The following SBNO1 variants were observed in gnomAD, a reference collection of about 807,000 sequenced individuals.
SBNO1 encodes strawberry notch homolog 1.
In SBNO1, 23 loss-of-function variants were observed where a neutral mutation model predicts 173.6. That is an observed-to-expected ratio of 0.13 (90% CI 0.10 to 0.19). SBNO1 has a LOEUF of 0.19. SBNO1 is among the 10% of genes least tolerant of loss of function. SBNO1 has a pLI of 1.00. For synonymous variants in SBNO1, 632 were observed against 571.5 expected (o/e 1.11, Z -1.51); for missense variants, 1,238 against 1,671.2 (o/e 0.74, Z 4.52).
In SBNO1 at chr12:123,294,623, A is replaced by G. The variant is rs145184356; in HGVS notation, c.*1285T>C. ...ACAATCTCGATTTTTCAATAGTGCA[A>G]CCTGTGGAAGCAAAAAAAAAAAAAA... On this transcript the variant is annotated 3_prime_UTR_variant, in exon 32 of 32. Coordinates refer to ENST00000602398, the MANE Select transcript of SBNO1 (RefSeq NM_001167856.3). 2 of 139,728 alleles carry G rather than the reference A, an allele frequency of 1.4e-5. No individual in the cohort carries two copies. The highest frequency in any genetic ancestry group is 4.9e-4 in the East Asian group (2 of 4,052). 8.7% of individuals were successfully genotyped at this position (139,728 alleles called of 1,614,324 possible).
chr12:123,344,213 T>G (rs1354080962), intron 4 of SBNO1, among the ~76,000 whole-genome samples: 2 of 152,146 alleles, frequency 1.3e-5, no homozygotes, highest in Non-Finnish European at 2.9e-5. Context: ...TGCGAGTGAT[T>G]CCAGAAACTG....
chr12:123,301,149 A>G (rs1342505541), intron 30 of SBNO1, among the ~76,000 whole-genome samples: 2 of 152,042 alleles, frequency 1.3e-5, no homozygotes, highest in African/African-American at 2.4e-5. Flanking sequence ...CTGGGATTAC[A>G]GGCGTCTGCC....
At chr12:123,363,665 CTTTA>C (rs1037243132) in intron 1 of SBNO1, among the ~76,000 whole-genome samples, 11 of 152,208 alleles carry the variant, frequency 7.2e-5, no homozygotes, top group Admixed American at 1.3e-4. Flanking sequence ...AAAAACGTTG[CTTTA>C]TTTGTCTCTC....
At chr12:123,311,728 A>C (rs61953422) in intron 24 of SBNO1, among the ~76,000 whole-genome samples, 18,867 of 66,308 alleles carry the variant, frequency 0.28, 1,370 homozygotes, top group Admixed American at 0.37. Flanking sequence ...ATCTATATAT[A>C]TATATATATA....
rs1022067503 is a variant in SBNO1 at position 123,294,404 on chromosome 12, A to G, written c.*1504T>C. ...CTCAATGCCATCTTACATTTTAGGG[A>G]TAAGTTTTAAGCCAAACTATAAGGC... On this transcript the variant is annotated 3_prime_UTR_variant, in exon 32 of 32. Transcript: ENST00000602398. 2 of 152,216 alleles carry G rather than the reference A, an allele frequency of 1.3e-5. No homozygotes were observed. Among genetic ancestry groups the G allele is most frequent in the African/African-American group, 2.4e-5 (1 of 41,438 alleles). 9.4% of individuals were successfully genotyped at this position (152,216 alleles called of 1,614,324 possible).
Position 123,313,649 on chromosome 12 carries a change from G to C in SBNO1, c.3191C>G (p.Pro1064Arg). 1.2e-6 allele frequency: 2 copies of C among 1,601,494 alleles called. No homozygotes were observed. Among genetic ancestry groups the C allele is most frequent in the Non-Finnish European group, 1.7e-6 (2 of 1,169,316 alleles). ...AAAAAATTCTCCAGGATAGTCTGGA[G>C]GTGGTGATACCATAGGAGAATCCAA... is the stretch of plus-strand genomic sequence containing the variant. ...VNLDSPMVSP[P>R]PDYPGEFFKD... is the part of the protein sequence containing the mutation. Residue 1064 changes from proline to arginine, a missense_variant, in exon 24 of 32, where the codon CCT (proline) becomes CGT (arginine). By Grantham distance (103) the Pro-to-Arg change is moderately radical (BLOSUM62 -2). Around this residue, in one of 14 missense-constraint regions of SBNO1, gnomAD observed 351 missense variants for 420.3 expected, o/e 0.84. Coordinates refer to ENST00000602398, the MANE Select transcript of SBNO1 (RefSeq NM_001167856.3).
Position 123,304,528 on chromosome 12 carries a change from G to T in SBNO1, c.3768+54C>A, listed in dbSNP as rs749801830. The T allele has an allele frequency of 5.9e-6, 8 of 1,351,202 alleles. No homozygotes were observed. In the East Asian group the frequency reaches 2.0e-4, roughly 34 times the overall value. 83.7% of individuals were successfully genotyped at this position (1,351,202 alleles called of 1,614,324 possible). A position where few individuals can be genotyped will look rare whatever the true frequency, so the allele number is the denominator to read the frequency against. On this transcript the variant is annotated intron_variant, in intron 29 of 31. Coordinates refer to ENST00000602398, the MANE Select transcript of SBNO1 (RefSeq NM_001167856.3). The stretch of plus-strand genomic sequence containing the variant: ...TGAGATTACAGGTGTGAGCCACATT[G>T]CCTGGCCCAAAGTAAGTATTCCTAT...
intron 1 of SBNO1, chr12:123,364,042 G>C: frequency 2.0e-6 from 2 of 985,500 alleles, no homozygotes; most frequent in Non-Finnish European, 1.2e-6. Context: ...CCCCTCCATG[G>C]GTAATTCTTA....
Position 123,334,108 on chromosome 12 carries a change from A to G in SBNO1, c.854T>C (p.Ile285Thr). Residue 285 changes from isoleucine (I) to threonine (T), a missense_variant, in exon 7 of 32, where the codon ATT (isoleucine) becomes ACT (threonine). By Grantham distance (89) the Ile-to-Thr change is moderately conservative. Coordinates refer to ENST00000602398, the MANE Select transcript of SBNO1 (RefSeq NM_001167856.3). ...WYKTSISEET[I>T]DNGWLSALQL... ...CAATGCTGATAACCAGCCATTATCAATGGTTTCCTCAGAAATGGATGTTTT... is the reference window on the plus strand; with the variant it reads ...CAATGCTGATAACCAGCCATTATCAGTGGTTTCCTCAGAAATGGATGTTTT... 6.2e-7 allele frequency: 1 copy of G among 1,606,092 alleles called. No homozygotes were observed. Among genetic ancestry groups the G allele is most frequent in the Non-Finnish European group, 8.5e-7 (1 of 1,176,980 alleles).
chr12:123,326,366 T>TG lies in SBNO1; in HGVS notation c.1693-33_1693-32insC, dbSNP rs572768866. The TG allele has an allele frequency of 3.1e-4, 456 of 1,448,596 alleles. 1 individual carries two copies. In the African/African-American group the frequency reaches 5.9e-3, roughly 19 times the overall value. The allele number at this position is 1,448,596 out of a possible 1,614,324, so 89.7% of individuals were successfully genotyped here. ...ATACATAATCAACATTTCAGACACT[T>TG]CATCTTTGAGTCTAGTTATTTAAAA... On this transcript the variant is annotated intron_variant, in intron 13 of 31. Coordinates refer to ENST00000602398, the MANE Select transcript of SBNO1 (RefSeq NM_001167856.3).
intron 10 of SBNO1, among the ~76,000 whole-genome samples, chr12:123,328,240 A>G (rs10846519): frequency 0.95 from 145,070 of 152,316 alleles, 69,213 homozygotes; most frequent in Non-Finnish European, 0.96. Flanking sequence ...TAAACCAGCA[A>G]TTTGCCTCTA....
chr12:123,355,589 C>T (rs1017902872), intron 1 of SBNO1, among the ~76,000 whole-genome samples: 1 of 151,636 alleles, frequency 6.6e-6, no homozygotes, highest in African/African-American at 2.4e-5. Flanking sequence ...GGGCGACAGA[C>T]CGAGACTCCA....
At chr12:123,306,673 C>A (rs1197738718) in intron 28 of SBNO1, among the ~76,000 whole-genome samples, 1 of 152,014 alleles carries the variant, frequency 6.6e-6, no homozygotes, top group Non-Finnish European at 1.5e-5. Context: ...CTGAAAATAA[C>A]CAACACCTTA....
Position 123,364,802 on chromosome 12 carries a change from C to CGGG in SBNO1, c.-103_-102insCCC. ...GAGGCGGCGGTGGCGGCGGCAGCAG[C>CGGG]GGCGTCCTGCTCTGCCTACCTCCCC... On this transcript the variant is annotated 5_prime_UTR_variant, in exon 1 of 32. Transcript: ENST00000602398. 1 of 987,408 alleles carries CGGG rather than the reference C, an allele frequency of 1.0e-6. No individual in the cohort carries two copies. Among genetic ancestry groups the CGGG allele is most frequent in the Non-Finnish European group, 1.2e-6 (1 of 831,052 alleles). The allele number at this position is 987,408 out of a possible 1,614,324, so 61.2% of individuals were successfully genotyped here. A position where few individuals can be genotyped will look rare whatever the true frequency, so the allele number is the denominator to read the frequency against.
chr12:123,311,821 C>T (rs886786238), intron 24 of SBNO1, among the ~76,000 whole-genome samples: 2 of 150,916 alleles, frequency 1.3e-5, no homozygotes, highest in African/African-American at 2.4e-5. Flanking sequence ...CTGCAACCTC[C>T]GCCTCCCAGG....
intron 6 of SBNO1, 49 bp from the exon 7 acceptor site, chr12:123,334,262 C>T: frequency 9.3e-7 from 1 of 1,072,190 alleles, no homozygotes; most frequent in Non-Finnish European, 1.3e-6. Flanking sequence ...TAAGTAATAA[C>T]ATTTCCAGTT....
chr12:123,353,648 T>C (rs1874126656), intron 1 of SBNO1, among the ~76,000 whole-genome samples: 1 of 152,166 alleles, frequency 6.6e-6, no homozygotes, highest in Non-Finnish European at 1.5e-5. Flanking sequence ...TATAGACACA[T>C]TTGACCATAC....
intron 1 of SBNO1, among the ~76,000 whole-genome samples, chr12:123,355,935 A>T (rs1475767885): frequency 6.6e-6 from 1 of 152,234 alleles, no homozygotes; most frequent in East Asian, 1.9e-4. Flanking sequence ...CTGAGAAACA[A>T]TAGCCAACCA....
intron 23 of SBNO1, among the ~76,000 whole-genome samples, chr12:123,314,020 G>T (rs1868954417): frequency 6.6e-6 from 1 of 151,880 alleles, no homozygotes; most frequent in Non-Finnish European, 1.5e-5. Context: ...GGAGGCGGAG[G>T]TTGTAGTGAG....
Sources: allele counts gnomAD v4.1 joint callset (sites outside exome capture counted in the v4.1 genomes callset), GRCh38; gene constraint gnomAD v4.1.1; regional missense constraint gnomAD v4.1.1; transcripts MANE v1.5; gene names NCBI Gene and HGNC (gene_info 2026-07-23, HGNC 2026-07-21).